TUSC3: variants seen among roughly 807,000 people sequenced by gnomAD.
The protein encoded by TUSC3 is dolichyl-diphosphooligosaccharide--protein glycosyltransferase subunit TUSC3.
Under a neutral mutation model 44.8 loss-of-function variants are expected in TUSC3, and 45 were observed. The ratio of observed to expected loss-of-function variants is 1.00; its 90% CI spans 0.79 to 1.29. The LOEUF (loss-of-function observed/expected upper bound fraction) is 1.29. Ranked by LOEUF, TUSC3 falls within the 50% of genes most tolerant of loss-of-function variation. The probability of loss-of-function intolerance (pLI) is 0.00; values close to 1 mark genes in which losing one functional copy is unlikely to be tolerated. For synonymous variants in TUSC3, 212 were observed against 152.9 expected (o/e 1.39, Z -2.85); for missense variants, 519 against 437.9 (o/e 1.19, Z -1.65).
At chr8:15,614,935 CAAAAA>C (rs3070906) in intron 1 of TUSC3, among the ~76,000 whole-genome samples, 1 of 133,206 alleles carries the variant, frequency 7.5e-6, no homozygotes, top group South Asian at 2.5e-4. Context: ...TTAAAAAGAC[CAAAAA>C]AAAAAAAAAA....
chr8:15,719,326 G>C (rs1810199474), intron 6 of TUSC3, among the ~76,000 whole-genome samples: 2 of 151,736 alleles, frequency 1.3e-5, no homozygotes, highest in African/African-American at 4.8e-5. Flanking sequence ...TAACTGCCTT[G>C]CCTTGTTCAC....
At chr8:15,463,096 GTCTC>G (rs554033789) in intron 1 of TUSC3, among the ~76,000 whole-genome samples, 1 of 149,508 alleles carries the variant, frequency 6.7e-6, no homozygotes, top group East Asian at 2.0e-4. Context: ...GCCTCTCTGT[GTCTC>G]TCTCTCTGTT....
the TUSC3 span, among the ~76,000 whole-genome samples, chr8:15,834,842 T>C: frequency 6.6e-6 from 1 of 152,178 alleles, no homozygotes; most frequent in South Asian, 2.1e-4. Flanking sequence ...ACAGTAAGGT[T>C]TATTTATAAG....
chr8:15,635,379 C>A (rs1001711219), intron 2 of TUSC3, among the ~76,000 whole-genome samples: 1 of 152,116 alleles, frequency 6.6e-6, no homozygotes, highest in Non-Finnish European at 1.5e-5. Context: ...GGCTCAAATG[C>A]ATGTCACAAT....
chr8:15,685,848 T>G (rs976303384), intron 6 of TUSC3, among the ~76,000 whole-genome samples: 34 of 146,872 alleles, frequency 2.3e-4, no homozygotes, highest in Admixed American at 2.3e-3. Flanking sequence ...GGTATTCATT[T>G]AGTTCTTAGG....
At chr8:15,617,140 T>TTA (rs1805029273) in intron 1 of TUSC3, among the ~76,000 whole-genome samples, 5 of 8,124 alleles carry the variant, frequency 6.2e-4, no homozygotes, top group African/African-American at 8.0e-4. Flanking sequence ...GTGTATATAT[T>TTA]TTTTTTTTTT....
At chr8:15,425,729 T>C (rs961221204) in intron 1 of TUSC3, among the ~76,000 whole-genome samples, 1 of 152,196 alleles carries the variant, frequency 6.6e-6, no homozygotes, top group Non-Finnish European at 1.5e-5. Flanking sequence ...ATGGCTTTGA[T>C]CTCATGGCTA....
chr8:15,794,022 T>A, the TUSC3 span, among the ~76,000 whole-genome samples: 1 of 152,186 alleles, frequency 6.6e-6, no homozygotes, highest in Non-Finnish European at 1.5e-5. Context: ...GACAAGTACC[T>A]TTCCTTGCCC....
chr8:15,831,260 G>T, the TUSC3 span, among the ~76,000 whole-genome samples: 1 of 152,098 alleles, frequency 6.6e-6, no homozygotes, highest in Non-Finnish European at 1.5e-5. Flanking sequence ...ATCAAACCCT[G>T]AAGGTCAACA....
At chr8:15,596,417 G>A (rs969089477) in intron 1 of TUSC3, among the ~76,000 whole-genome samples, 1 of 152,110 alleles carries the variant, frequency 6.6e-6, no homozygotes, top group Non-Finnish European at 1.5e-5. Context: ...AAGACCCTGT[G>A]TTCCTGGATG....
the TUSC3 span, among the ~76,000 whole-genome samples, chr8:15,807,825 A>G: frequency 1.3e-5 from 2 of 152,216 alleles, no homozygotes; most frequent in Non-Finnish European, 2.9e-5. Flanking sequence ...GAACTCATGA[A>G]CATAAATATG....
rs756120983 is a variant in TUSC3 at position 15,662,315 on chromosome 8, C to G, written c.708+19C>G. 2.2e-5 allele frequency: 36 copies of G among 1,611,814 alleles called. No individual in the cohort carries two copies. The highest frequency in any genetic ancestry group is 2.7e-5 in the Non-Finnish European group (32 of 1,178,570). ...GTCTCTGGTATGTTAATACATTGTGCTTTTTTTATTTCCTGTTCTTTGTGT... is the reference window on the plus strand; with the variant it reads ...GTCTCTGGTATGTTAATACATTGTGGTTTTTTTATTTCCTGTTCTTTGTGT... On this transcript the variant is annotated intron_variant, in intron 5 of 10. Coordinates refer to ENST00000503731, the MANE Select transcript of TUSC3 (RefSeq NM_006765.4).
At chr8:15,502,569 C>A (rs751249169) in intron 2 of TUSC3, among the ~76,000 whole-genome samples, 1 of 152,214 alleles carries the variant, frequency 6.6e-6, no homozygotes, top group Non-Finnish European at 1.5e-5. Flanking sequence ...CCGCTCACTG[C>A]AAGCTCCACC....
chr8:15,672,755 G>A (rs1271697089), intron 5 of TUSC3, among the ~76,000 whole-genome samples: 5 of 151,864 alleles, frequency 3.3e-5, no homozygotes, highest in African/African-American at 4.8e-5. Context: ...TTTTTTATTT[G>A]CCCCATCTTC....
chr8:15,650,918 A>C, intron 3 of TUSC3, 104 bp downstream of exon 3: 1 of 1,279,208 alleles, frequency 7.8e-7, no homozygotes, highest in Non-Finnish European at 1.1e-6. Flanking sequence ...TGAACCTGGG[A>C]GGCGGAGGTT....
intron 7 of TUSC3, among the ~76,000 whole-genome samples, chr8:15,731,716 T>A (rs940968810): frequency 6.6e-6 from 1 of 152,198 alleles, no homozygotes; most frequent in African/African-American, 2.4e-5. Flanking sequence ...TGAATGTTAG[T>A]CATGCCTATT....
intron 1 of TUSC3, among the ~76,000 whole-genome samples, chr8:15,439,922 T>C (rs1340483536): frequency 2.0e-5 from 3 of 152,200 alleles, no homozygotes; most frequent in African/African-American, 7.2e-5. Flanking sequence ...TTACAAGTAA[T>C]GCAACAGATA....
chr8:15,546,395 C>T (rs1174575090), intron 1 of TUSC3, among the ~76,000 whole-genome samples: 3 of 151,786 alleles, frequency 2.0e-5, no homozygotes, highest in Non-Finnish European at 4.4e-5. Flanking sequence ...CACAGGGATG[C>T]TGGCTTCACA....
At chr8:15,586,667 T>C (rs1193459939) in intron 1 of TUSC3, among the ~76,000 whole-genome samples, 3 of 152,200 alleles carry the variant, frequency 2.0e-5, no homozygotes, top group African/African-American at 2.4e-5. Flanking sequence ...TAATTTTCTC[T>C]ATGAAGTAGG....
Sources: gnomAD v4.1 joint callset for allele counts (sites outside exome capture counted in the v4.1 genomes callset) on GRCh38, gnomAD v4.1.1 for gene constraint, MANE v1.5 for transcripts, NCBI Gene and HGNC (gene_info 2026-07-23, HGNC 2026-07-21) for gene names.